Variants in ZNF626 observed in about 807,000 individuals in gnomAD.
The protein encoded by ZNF626 is zinc finger protein 626.
In ZNF626, 4 loss-of-function variants were observed where a neutral mutation model predicts 11.7. The ratio of observed to expected loss-of-function variants is 0.34; its 90% confidence interval spans 0.17 to 0.78. ZNF626 has a LOEUF of 0.78. Ranked by LOEUF, ZNF626 falls within the 30% of genes least tolerant of loss-of-function variation. The pLI, the probability that ZNF626 is intolerant of heterozygous loss-of-function variation, is 0.57. For synonymous variants in ZNF626, 179 were observed against 198.6 expected (o/e 0.90, Z 0.83); for missense variants, 588 against 587.1 (o/e 1.00, Z -0.01).
chr19:20,643,182 T>C (rs1314829768), intron 3 of ZNF626, among the ~76,000 whole-genome samples: 1 of 152,162 alleles, frequency 6.6e-6, no homozygotes, highest in Non-Finnish European at 1.5e-5. Flanking sequence ...AAATTAGCAT[T>C]TAAAAGAAAC....
intron 3 of ZNF626, among the ~76,000 whole-genome samples, chr19:20,630,413 C>CT (rs1568456050): frequency 2.2e-5 from 2 of 89,332 alleles, no homozygotes; most frequent in East Asian, 5.6e-4. Context: ...TGGTCCTGAA[C>CT]TTTTTTTGAT....
At chr19:20,637,082 G>A (rs1234349102) in intron 3 of ZNF626, among the ~76,000 whole-genome samples, 2 of 146,666 alleles carry the variant, frequency 1.4e-5, no homozygotes, top group East Asian at 4.0e-4. Context: ...CTGGGCCATA[G>A]AGTGAGACTC....
intron 3 of ZNF626, 141 bp from the exon 4 acceptor site, chr19:20,625,791 G>A: frequency 1.1e-6 from 1 of 922,868 alleles, no homozygotes; most frequent in Non-Finnish European, 1.5e-6. Context: ...ATTTCTTCCT[G>A]GACATATGAA....
intron 3 of ZNF626, among the ~76,000 whole-genome samples, chr19:20,637,186 A>G (rs1200402876): frequency 6.6e-6 from 1 of 152,166 alleles, no homozygotes; most frequent in Middle Eastern, 3.2e-3. Flanking sequence ...ATAAAAAACA[A>G]TATGTAAATG....
At position 20,621,149 on chromosome 19, in the gene ZNF626, G is replaced by A. The variant is rs1361737075; in HGVS notation, c.*3141C>T. ...TCCTGGCTTTTTTCTTTCTTTTTGA[G>A]ATGGAGTGTCCGTCTGTCACCCAGG... On this transcript the variant is annotated 3_prime_UTR_variant, in exon 4 of 4. Coordinates refer to ENST00000601440, the MANE Select transcript of ZNF626 (RefSeq NM_001076675.3). 1.3e-5 allele frequency: 2 copies of A among 150,032 alleles called. 1 individual carries two copies. The highest frequency in any genetic ancestry group is 4.2e-4 in the South Asian group (2 of 4,760). 9.3% of individuals were successfully genotyped at this position (150,032 alleles called of 1,614,324 possible).
chr19:20,653,465 G>A (rs1250356531), intron 1 of ZNF626, among the ~76,000 whole-genome samples: 2 of 152,008 alleles, frequency 1.3e-5, no homozygotes, highest in Non-Finnish European at 2.9e-5. Flanking sequence ...GAGGACATCT[G>A]TGTATGCTAA....
At chr19:20,657,136 G>A (rs1970213590) in intron 1 of ZNF626, among the ~76,000 whole-genome samples, 3 of 152,126 alleles carry the variant, frequency 2.0e-5, no homozygotes, top group Admixed American at 2.0e-4. Flanking sequence ...TTGGGAGGCC[G>A]AGGCAGGTGG....
At chr19:20,659,393 C>T (rs1164232873) in intron 1 of ZNF626, among the ~76,000 whole-genome samples, 1 of 152,124 alleles carries the variant, frequency 6.6e-6, no homozygotes, top group African/African-American at 2.4e-5. Context: ...GTGGCCACCA[C>T]AACTACCAGC....
At chr19:20,627,530 AAAGATAT>A (rs1452745856) in intron 3 of ZNF626, among the ~76,000 whole-genome samples, 2 of 152,074 alleles carry the variant, frequency 1.3e-5, no homozygotes, top group Non-Finnish European at 2.9e-5. Flanking sequence ...AAGGAAAGAC[AAAGATAT>A]AAGAATCAAA....
chr19:20,630,018 C>T (rs988094170), intron 3 of ZNF626, among the ~76,000 whole-genome samples: 7 of 152,138 alleles, frequency 4.6e-5, no homozygotes, highest in Non-Finnish European at 7.3e-5. Flanking sequence ...AAGGCCTTTT[C>T]TGTATCTATT....
intron 3 of ZNF626, among the ~76,000 whole-genome samples, chr19:20,644,059 G>A (rs1445489818): frequency 1.3e-5 from 2 of 152,152 alleles, no homozygotes; most frequent in African/African-American, 4.8e-5. Flanking sequence ...TCTGGCAGAG[G>A]TCCTGCTATT....
chr19:20,647,977 G>A (rs1055764572), intron 1 of ZNF626, among the ~76,000 whole-genome samples: 2 of 152,014 alleles, frequency 1.3e-5, no homozygotes, highest in African/African-American at 2.4e-5. Flanking sequence ...TCAGGAGTTC[G>A]AGACCAGCAT....
chr19:20,625,957 T>C (rs1450643930), intron 3 of ZNF626, among the ~76,000 whole-genome samples: 1 of 152,172 alleles, frequency 6.6e-6, no homozygotes, highest in Admixed American at 6.6e-5. Flanking sequence ...CAGTATAACA[T>C]TGTGCCTTTA....
chr19:20,652,727 A>AC (rs1970160765), intron 1 of ZNF626, among the ~76,000 whole-genome samples: 1 of 152,206 alleles, frequency 6.6e-6, no homozygotes, highest in Non-Finnish European at 1.5e-5. Context: ...TTTTTCAGAT[A>AC]AAAGTTTTTT....
At chr19:20,630,819 C>T (rs1445581377) in intron 3 of ZNF626, among the ~76,000 whole-genome samples, 13 of 149,732 alleles carry the variant, frequency 8.7e-5, no homozygotes, top group South Asian at 2.1e-4. Context: ...TTGTCTTCTG[C>T]TAGCTTTTGA....
intron 3 of ZNF626, among the ~76,000 whole-genome samples, chr19:20,638,643 T>A (rs1555771140): frequency 6.6e-6 from 1 of 151,966 alleles, no homozygotes; most frequent in Non-Finnish European, 1.5e-5. Flanking sequence ...CATAACATGC[T>A]TTAAGTCATG....
At chr19:20,632,115 T>A (rs1411975398) in intron 3 of ZNF626, among the ~76,000 whole-genome samples, 14 of 152,150 alleles carry the variant, frequency 9.2e-5, no homozygotes, top group Admixed American at 5.2e-4. Flanking sequence ...TGAATATTGA[T>A]CCTCACTCTC....
At position 20,619,985 on chromosome 19, in the gene ZNF626, CT is replaced by C. The variant is rs1329741839; in HGVS notation, c.*4304del. On this transcript the variant is annotated 3_prime_UTR_variant, in exon 4 of 4. Transcript: ENST00000601440. ...ATTCATTACAAATATTAACTAACAT[CT>C]TTTTTTCTGGCTTAAATTATTATTC... 6.6e-6 allele frequency: 1 copy of C among 152,136 alleles called. No individual in the cohort carries two copies. 9.4% of individuals were successfully genotyped at this position (152,136 alleles called of 1,614,324 possible). A position where few individuals can be genotyped will look rare whatever the true frequency, so the allele number is the denominator to read the frequency against.
At chr19:20,654,679 G>A (rs1426938817) in intron 1 of ZNF626, among the ~76,000 whole-genome samples, 4 of 151,734 alleles carry the variant, frequency 2.6e-5, no homozygotes, top group African/African-American at 7.3e-5. Context: ...ACTCCAGCCC[G>A]GACGACAGAG....
Sources: gnomAD v4.1 joint callset for allele counts (sites outside exome capture counted in the v4.1 genomes callset) on GRCh38, gnomAD v4.1.1 for gene constraint, MANE v1.5 for transcripts, NCBI Gene and HGNC (gene_info 2026-07-23, HGNC 2026-07-21) for gene names.